TTC28: variants seen among roughly 807,000 people sequenced by gnomAD.
The protein encoded by TTC28 is tetratricopeptide repeat domain 28, also known as tetratricopeptide repeat protein 28.
In TTC28, 61 loss-of-function variants were observed where a neutral mutation model predicts 198.0. The ratio of observed to expected loss-of-function variants is 0.31; its 90% CI spans 0.25 to 0.38. The LOEUF (loss-of-function observed/expected upper bound fraction) is 0.38, where lower values mean the gene tolerates loss of function less well. Ranked by LOEUF, TTC28 falls within the 10% of genes least tolerant of loss-of-function variation. TTC28 has a pLI of 1.00. For synonymous variants in TTC28, 1,171 were observed against 1,297.8 expected, an observed-to-expected ratio of 0.90 and a Z score of 2.10; for missense variants, 2,678 against 3,164.0, an observed-to-expected ratio of 0.85 and a Z score of 3.69.
chr22:28,231,961 T>C (rs529345778), intron 5 of TTC28, among the ~76,000 whole-genome samples: 8 of 152,346 alleles, frequency 5.3e-5, no homozygotes, highest in African/African-American at 1.4e-4. Flanking sequence ...TAGTTCATAA[T>C]TGAGAAAGTA....
chr22:28,302,641 G>C (rs1271065332), intron 3 of TTC28, among the ~76,000 whole-genome samples: 2 of 152,108 alleles, frequency 1.3e-5, no homozygotes, highest in Non-Finnish European at 2.9e-5. Flanking sequence ...ATCTTTTGGG[G>C]GAAGAAGCCT....
intron 5 of TTC28, among the ~76,000 whole-genome samples, chr22:28,261,752 G>C (rs1197045648): frequency 6.6e-6 from 1 of 152,056 alleles, no homozygotes; most frequent in Non-Finnish European, 1.5e-5. Flanking sequence ...ACTGGGTCTC[G>C]CTATATTGCT....
intron 5 of TTC28, among the ~76,000 whole-genome samples, chr22:28,292,425 T>C (rs745510786): frequency 6.6e-6 from 1 of 152,102 alleles, no homozygotes; most frequent in Non-Finnish European, 1.5e-5. Context: ...TGGGCTCCAG[T>C]AATCTGCCCA....
intron 1 of TTC28, among the ~76,000 whole-genome samples, chr22:28,661,411 T>A (rs1192475858): frequency 6.6e-6 from 1 of 152,212 alleles, no homozygotes; most frequent in Non-Finnish European, 1.5e-5. Context: ...AACAGCTTTA[T>A]AACATTCATT....
chr22:28,446,812 G>A (rs546965139), intron 2 of TTC28, among the ~76,000 whole-genome samples: 334 of 152,306 alleles, frequency 2.2e-3, no homozygotes, highest in Admixed American at 3.5e-3. Flanking sequence ...ATAAGGCAAA[G>A]AAATTTGGAC....
At chr22:28,176,034 A>G (rs947046733) in intron 5 of TTC28, among the ~76,000 whole-genome samples, 18 of 152,226 alleles carry the variant, frequency 1.2e-4, no homozygotes, top group African/African-American at 4.3e-4. Flanking sequence ...TAGAACTACC[A>G]TATGATTCTG....
intron 5 of TTC28, among the ~76,000 whole-genome samples, chr22:28,247,896 G>C (rs738995): frequency 0.26 from 39,892 of 152,042 alleles, 6,550 homozygotes; most frequent in South Asian, 0.39. Flanking sequence ...AGTCATTGAA[G>C]GGTTTAAGTA....
rs1601504185 is a variant in TTC28, at chr22:28,001,756, G to C, written c.4219-203C>G. The stretch of plus-strand genomic sequence containing the variant: ...GGCATGCTCGCTTGTGGACTGGCAA[G>C]GGCTGGCCTGGCAGCATCCATCTGC... On this transcript the variant is annotated intron_variant, in intron 14 of 22. Coordinates refer to ENST00000397906, the MANE Select transcript of TTC28 (RefSeq NM_001145418.2). The C allele has an allele frequency of 3.6e-5, 22 of 605,710 alleles. No homozygotes were observed. The East Asian group carries it at 6.1e-4, about 17-fold the overall frequency. The allele number at this position is 605,710 out of a possible 1,614,324, so 37.5% of individuals were successfully genotyped here. A position where few individuals can be genotyped will look rare whatever the true frequency, so the allele number is the denominator to read the frequency against.
Position 28,444,485 on chromosome 22 carries a change from G to A in TTC28, c.382-137842C>T, listed in dbSNP as rs575902645. ...CTGAGAATCTGAAATTCAATAGAGGGCATTATCTTTATAATAATAATATTA... is the reference window on the plus strand; with the variant it reads ...CTGAGAATCTGAAATTCAATAGAGGACATTATCTTTATAATAATAATATTA... On this transcript the variant is annotated intron_variant, in intron 2 of 22. Transcript: ENST00000397906. Among the ~76,000 whole-genome samples the A allele has an allele frequency of 2.9e-3, 438 of 152,200 alleles. 2 individuals carry two copies. The highest frequency in any genetic ancestry group is 9.8e-3 in the African/African-American group (406 of 41,512).
chr22:28,422,880 T>C (rs1449870867), intron 2 of TTC28, among the ~76,000 whole-genome samples: 1 of 152,212 alleles, frequency 6.6e-6, no homozygotes. Flanking sequence ...AAATATGTAT[T>C]GTTAACATTA....
chr22:28,513,779 C>T (rs1433979264), intron 2 of TTC28, among the ~76,000 whole-genome samples: 2 of 151,832 alleles, frequency 1.3e-5, no homozygotes, highest in African/African-American at 4.8e-5. Context: ...TCTATACAGA[C>T]ATATATGTTT....
chr22:28,205,490 A>G (rs1926328034), intron 5 of TTC28, among the ~76,000 whole-genome samples: 1 of 152,088 alleles, frequency 6.6e-6, no homozygotes, highest in South Asian at 2.1e-4. Context: ...TTGATATGAA[A>G]TTTTAATAAA....
At chr22:28,633,116 C>T (rs1453706902) in intron 1 of TTC28, among the ~76,000 whole-genome samples, 1 of 151,750 alleles carries the variant, frequency 6.6e-6, no homozygotes, top group Non-Finnish European at 1.5e-5. Context: ...CTCATCTCTA[C>T]TAAATATACA....
intron 2 of TTC28, among the ~76,000 whole-genome samples, chr22:28,372,281 T>C (rs958116813): frequency 7.2e-5 from 11 of 152,242 alleles, no homozygotes; most frequent in Admixed American, 3.9e-4. Flanking sequence ...CATGATGACA[T>C]GTATTTAAGA....
intron 2 of TTC28, among the ~76,000 whole-genome samples, chr22:28,423,737 GT>G (rs1159709685): frequency 1.3e-5 from 2 of 152,214 alleles, no homozygotes; most frequent in Non-Finnish European, 2.9e-5. Context: ...AGGATGATGG[GT>G]GGTGCACAGC....
intron 2 of TTC28, among the ~76,000 whole-genome samples, chr22:28,578,617 T>C (rs1030463814): frequency 6.6e-6 from 1 of 152,092 alleles, no homozygotes; most frequent in African/African-American, 2.4e-5. Flanking sequence ...GTATCTGGTT[T>C]TAACATCATA....
intron 5 of TTC28, among the ~76,000 whole-genome samples, chr22:28,262,927 GCGAAGCTACAGAGC>G (rs1931424774): frequency 6.6e-6 from 1 of 152,126 alleles, no homozygotes; most frequent in Admixed American, 6.6e-5. Context: ...CAGAGTGGAA[GCGAAGCTACAGAGC>G]CCAACAAACG....
At chr22:28,539,014 T>G (rs775519939) in intron 2 of TTC28, among the ~76,000 whole-genome samples, 9 of 152,354 alleles carry the variant, frequency 5.9e-5, no homozygotes, top group Non-Finnish European at 1.0e-4. Flanking sequence ...TATTATGGAC[T>G]GTCTACTGTG....
At chr22:28,449,910 A>C (rs999819264) in intron 2 of TTC28, among the ~76,000 whole-genome samples, 17 of 152,166 alleles carry the variant, frequency 1.1e-4, no homozygotes, top group African/African-American at 4.1e-4. Context: ...AGAAGGATTT[A>C]AAGGTGATCC....
Sources: gnomAD v4.1 joint callset for allele counts (sites outside exome capture counted in the v4.1 genomes callset) on GRCh38, gnomAD v4.1.1 for gene constraint, MANE v1.5 for transcripts, NCBI Gene and HGNC (gene_info 2026-07-23, HGNC 2026-07-21) for gene names.